Variants in PUM1 observed in about 807,000 individuals in gnomAD.
PUM1 encodes the protein pumilio RNA binding family member 1, also known as pumilio homolog 1.
A neutral mutation model predicts 131.8 loss-of-function variants in PUM1; 13 were observed. That is an observed-to-expected ratio of 0.10 (90% CI 0.06 to 0.16). The LOEUF is 0.16. Among genes scored for constraint, PUM1 ranks in the 10% least tolerant of loss-of-function variants. The pLI is 1.00. For synonymous variants in PUM1, 509 were observed against 556.5 expected, an observed-to-expected ratio of 0.91 and a Z score of 1.20; for missense variants, 961 against 1,512.4, an observed-to-expected ratio of 0.64 and a Z score of 6.05.
chr1:31,025,151 C>T (rs1489421799), intron 3 of PUM1, among the ~76,000 whole-genome samples: 1 of 152,062 alleles, frequency 6.6e-6, no homozygotes, highest in Non-Finnish European at 1.5e-5. Flanking sequence ...ACTATGAGTC[C>T]TTCAGCTAAG....
chr1:31,023,754 C>T (rs983453327), intron 3 of PUM1, among the ~76,000 whole-genome samples: 3 of 151,978 alleles, frequency 2.0e-5, no homozygotes, highest in Admixed American at 6.6e-5. Flanking sequence ...CATGGTGAAA[C>T]CCCGTCTACT....
At chr1:31,006,171 G>A (rs1642395987) in intron 4 of PUM1, 140 bp from the exon 5 acceptor site, 2 of 581,602 alleles carry the variant, frequency 3.4e-6, no homozygotes, top group Non-Finnish European at 5.8e-6. Context: ...GTCCCTCACT[G>A]TATGATATTC....
At chr1:30,943,554 G>C (rs1038360693) in intron 18 of PUM1, among the ~76,000 whole-genome samples, 3 of 152,100 alleles carry the variant, frequency 2.0e-5, no homozygotes, top group Non-Finnish European at 4.4e-5. Context: ...GCCCGGCCAT[G>C]TATATGACAT....
chr1:30,991,272 T>C (rs1641780061), intron 7 of PUM1, among the ~76,000 whole-genome samples: 1 of 152,038 alleles, frequency 6.6e-6, no homozygotes. Context: ...CGGAGAAGAG[T>C]GTACACTTTC....
chr1:30,969,496 T>C (rs1411566331), intron 10 of PUM1, among the ~76,000 whole-genome samples: 1 of 152,154 alleles, frequency 6.6e-6, no homozygotes, highest in Non-Finnish European at 1.5e-5. Flanking sequence ...AAGGTCCACA[T>C]GGCCCCAAAT....
At chr1:31,052,850 C>T (rs757821451) in intron 2 of PUM1, among the ~76,000 whole-genome samples, 21 of 151,340 alleles carry the variant, frequency 1.4e-4, no homozygotes, top group East Asian at 1.9e-4. Context: ...ATTACAGTAA[C>T]GCGCCACGAC....
chr1:30,950,795 A>T (rs1451485397), intron 16 of PUM1, among the ~76,000 whole-genome samples: 1 of 152,232 alleles, frequency 6.6e-6, no homozygotes, highest in African/African-American at 2.4e-5. Context: ...CAGGCGGCAG[A>T]GGTTACAGTG....
Position 30,980,134 on chromosome 1 carries a change from G to C in PUM1, c.1282C>G (p.Pro428Ala). 6.2e-7 allele frequency: 1 copy of C among 1,614,072 alleles called. No individual in the cohort carries two copies. The highest frequency in any genetic ancestry group is 8.5e-7 in the Non-Finnish European group (1 of 1,179,996). The change falls in exon 9 of 22, where the codon CCA (proline) becomes GCA (alanine). Residue 428 changes from proline (P) to alanine (A), a missense_variant. Physicochemically the swap from Pro to Ala is conservative, Grantham distance 27. This residue lies in a region of PUM1 where 654 missense variants were observed against 923.9 expected (regional missense o/e 0.71). Coordinates refer to ENST00000426105, the MANE Select transcript of PUM1 (RefSeq NM_001020658.2). Reference sequence around the variant, plus strand: ...GGGGGAGCAGCGCTGATGATGTATGGATTGGGGACAAACGCAGCGGGAGCT... The same window carrying C: ...GGGGGAGCAGCGCTGATGATGTATGCATTGGGGACAAACGCAGCGGGAGCT... Reference protein sequence around the residue: ...GLAPAAFVPNPYIISAAPPGT... With the variant: ...GLAPAAFVPNAYIISAAPPGT...
chr1:31,046,969 A>G (rs1199925238), intron 2 of PUM1, among the ~76,000 whole-genome samples: 1 of 152,068 alleles, frequency 6.6e-6, no homozygotes, highest in Non-Finnish European at 1.5e-5. Flanking sequence ...AGGCGGGTGG[A>G]TCATAAGGTC....
At chr1:31,034,946 G>T (rs1367207645) in intron 2 of PUM1, among the ~76,000 whole-genome samples, 1 of 152,116 alleles carries the variant, frequency 6.6e-6, no homozygotes, top group Non-Finnish European at 1.5e-5. Flanking sequence ...AGAAACTTGA[G>T]CAATGAGAAA....
chr1:30,955,300 C>CAAAAAAAAAAA (rs529336616), intron 14 of PUM1, among the ~76,000 whole-genome samples: 1 of 113,548 alleles, frequency 8.8e-6, no homozygotes, highest in African/African-American at 3.4e-5. Flanking sequence ...CTAAAAAATA[C>CAAAAAAAAAAA]AAAAAAAAAA....
Position 30,974,732 on chromosome 1 carries a change from C to G in PUM1, c.1425G>C (p.Gln475His), listed in dbSNP as rs1425892057. ...CTGCAGCGGCAGCGGCAGCTTGCTG[C>G]TGGAAAAGACTGGCAGGGTAGACTC... The part of the protein sequence containing the change: ...PWGVYPASLF[Q>H]QQAAAAAAAT... The change falls in exon 10 of 22, where the codon CAG becomes CAC. Residue 475 changes from glutamine (Q) to histidine (H), a missense_variant. Physicochemically the swap from Gln to His is conservative, Grantham distance 24 (BLOSUM62 0). Transcript: ENST00000426105. 2 of 1,612,558 alleles carry G rather than the reference C, an allele frequency of 1.2e-6. No individual in the cohort carries two copies. The highest frequency in any genetic ancestry group is 1.7e-6 in the Non-Finnish European group (2 of 1,179,734).
At chr1:31,023,605 G>A (rs904282319) in intron 3 of PUM1, among the ~76,000 whole-genome samples, 20 of 152,172 alleles carry the variant, frequency 1.3e-4, no homozygotes, top group African/African-American at 4.1e-4. Flanking sequence ...CAGTGTCTTG[G>A]GCAGCTGCAG....
At chr1:31,045,563 A>G (rs1643936211) in intron 2 of PUM1, among the ~76,000 whole-genome samples, 1 of 152,210 alleles carries the variant, frequency 6.6e-6, no homozygotes, top group East Asian at 1.9e-4. Flanking sequence ...AGCCTGGGCA[A>G]CATGAGACCC....
chr1:31,063,122 T>C (rs1644404846), intron 1 of PUM1, among the ~76,000 whole-genome samples: 1 of 152,142 alleles, frequency 6.6e-6, no homozygotes, highest in South Asian at 2.1e-4. Flanking sequence ...ACTCTCTTAG[T>C]ACTAATACTA....
intron 3 of PUM1, among the ~76,000 whole-genome samples, chr1:31,025,745 G>A (rs1377606269): frequency 6.6e-6 from 1 of 151,544 alleles, no homozygotes; most frequent in Non-Finnish European, 1.5e-5. Context: ...TAGTAGAGAT[G>A]GGATTTCACT....
At chr1:30,977,174 G>A (rs746855106) in intron 9 of PUM1, among the ~76,000 whole-genome samples, 9 of 152,200 alleles carry the variant, frequency 5.9e-5, no homozygotes, top group Non-Finnish European at 1.3e-4. Context: ...CTTTGGGGAT[G>A]CTGAATAGAT....
intron 2 of PUM1, among the ~76,000 whole-genome samples, chr1:31,054,329 T>C (rs1644184755): frequency 6.6e-6 from 1 of 151,396 alleles, no homozygotes. Context: ...CCTGTCTCAA[T>C]AAATAAAAAG....
rs772590001 is a variant in PUM1, at chr1:30,953,887, G to T, written c.2418C>A (p.Ser806Arg). Residue 806 changes from serine (S) to arginine (R), a missense_variant, in exon 15 of 22, where the codon AGC becomes AGA. Physicochemically the swap from Ser to Arg is moderately radical, Grantham distance 110. Around this residue, in one of 4 missense-constraint regions of PUM1, gnomAD observed 117 missense variants for 200.7 expected, o/e 0.58. Coordinates refer to ENST00000426105, the MANE Select transcript of PUM1 (RefSeq NM_001020658.2). ...RSASSASSLF[S>R]PSSTLFSSSR... ...AGGAAGAGAAAAGAGTGCTGCTCGG[G>T]CTGAAGAGGCTGGAGGCGCTGCTTG... 1 of 1,614,226 alleles carries T rather than the reference G, an allele frequency of 6.2e-7. No homozygotes were observed. The highest frequency in any genetic ancestry group is 1.1e-5 in the South Asian group (1 of 91,086).
Sources: allele counts gnomAD v4.1 joint callset (sites outside exome capture counted in the v4.1 genomes callset), GRCh38; gene constraint gnomAD v4.1.1; regional missense constraint gnomAD v4.1.1; transcripts MANE v1.5; gene names NCBI Gene and HGNC (gene_info 2026-07-23, HGNC 2026-07-21).